The following PIK3C2A variants were observed in gnomAD, a reference collection of about 807,000 sequenced individuals.
The protein encoded by PIK3C2A is phosphatidylinositol-4-phosphate 3-kinase catalytic subunit type 2 alpha, also known as phosphatidylinositol 4-phosphate 3-kinase C2 domain-containing subunit alpha.
Under a neutral mutation model 204.5 loss-of-function variants are expected in PIK3C2A, and 97 were observed. That is an observed-to-expected ratio of 0.47 (90% confidence interval 0.40 to 0.56). The LOEUF (loss-of-function observed/expected upper bound fraction) is 0.56. PIK3C2A is among the 20% of genes least tolerant of loss of function. PIK3C2A has a pLI of 0.00. For missense variants in PIK3C2A, 1,735 were observed against 1,969.2 expected (o/e 0.88, Z 2.25); for synonymous variants, 653 against 664.4 (o/e 0.98, Z 0.26).
intron 1 of PIK3C2A, among the ~76,000 whole-genome samples, chr11:17,180,366 T>C (rs953899327): frequency 4.6e-5 from 7 of 151,764 alleles, no homozygotes; most frequent in African/African-American, 1.7e-4. Flanking sequence ...AGACTCTCTG[T>C]CAAAAATAAA....
chr11:17,097,586 A>G (rs973585434), intron 26 of PIK3C2A, among the ~76,000 whole-genome samples: 7 of 152,212 alleles, frequency 4.6e-5, no homozygotes, highest in African/African-American at 1.7e-4. Context: ...TTTCCTTTTA[A>G]TAAAGGAGAA....
At position 17,105,258 on chromosome 11, in the gene PIK3C2A, C is replaced by A. The variant is rs772124449; in HGVS notation, c.3592G>T (p.Val1198Leu). ...AAGGATCCTGTCACACCATATTCCA[C>A]TTGGATTTTCCTGAGGGTATCGGAA... The part of the protein sequence containing the change: ...PASDTLRKIQ[V>L]EYGVTGSFKD... The change falls in exon 23 of 33, where the codon GTG becomes TTG. Residue 1198 changes from valine to leucine, a missense_variant. Val to Leu is a conservative substitution (Grantham distance 32, BLOSUM62 1). Around this residue, in one of 6 missense-constraint regions of PIK3C2A, gnomAD observed 503 missense variants for 669.0 expected, o/e 0.75. Transcript: ENST00000691414. The A allele has an allele frequency of 4.9e-5, 79 of 1,610,858 alleles. No individual in the cohort carries two copies. The highest frequency in any genetic ancestry group is 6.5e-5 in the Non-Finnish European group (76 of 1,178,248).
At chr11:17,175,194 T>C (rs922638941) in intron 1 of PIK3C2A, among the ~76,000 whole-genome samples, 9 of 152,196 alleles carry the variant, frequency 5.9e-5, no homozygotes, top group Admixed American at 3.9e-4. Context: ...TGAAATATAT[T>C]TTAATAGTGA....
At chr11:17,113,686 G>A (rs1367704485) in intron 20 of PIK3C2A, among the ~76,000 whole-genome samples, 1 of 150,712 alleles carries the variant, frequency 6.6e-6, no homozygotes, top group Non-Finnish European at 1.5e-5. Flanking sequence ...GGAGGCTGAG[G>A]CAGGAGAATC....
intron 22 of PIK3C2A, among the ~76,000 whole-genome samples, chr11:17,110,008 A>G (rs1590916617): frequency 6.6e-6 from 1 of 152,120 alleles, no homozygotes; most frequent in African/African-American, 2.4e-5. Flanking sequence ...CCTAGAATAC[A>G]GTGATGCAAT....
intron 1 of PIK3C2A, among the ~76,000 whole-genome samples, chr11:17,199,458 T>A (rs1852285797): frequency 6.6e-6 from 1 of 152,206 alleles, no homozygotes; most frequent in Non-Finnish European, 1.5e-5. Context: ...TGAAAACAAA[T>A]GCAGTATCCA....
intron 8 of PIK3C2A, among the ~76,000 whole-genome samples, chr11:17,142,105 G>C (rs1046217309): frequency 6.6e-6 from 1 of 152,144 alleles, no homozygotes; most frequent in Non-Finnish European, 1.5e-5. Flanking sequence ...AAAAGAGAAA[G>C]GAAAGGTCGA....
chr11:17,199,399 T>C (rs1266736874), intron 1 of PIK3C2A, among the ~76,000 whole-genome samples: 2 of 152,044 alleles, frequency 1.3e-5, no homozygotes, highest in Admixed American at 6.6e-5. Flanking sequence ...GAACTGAAAA[T>C]AGGAGTACAC....
At chr11:17,193,233 T>C (rs977594091) in intron 1 of PIK3C2A, among the ~76,000 whole-genome samples, 2 of 152,228 alleles carry the variant, frequency 1.3e-5, no homozygotes, top group Admixed American at 1.3e-4. Flanking sequence ...ATCTGTGGTA[T>C]TGTTACAGCA....
In PIK3C2A at chr11:17,178,793, A is replaced by C. The variant is rs1851430875; in HGVS notation, c.-65-8987T>G. Among the ~76,000 whole-genome samples, 3 of 141,600 alleles carry C rather than the reference A, an allele frequency of 2.1e-5. No individual in the cohort carries two copies. In the South Asian group the frequency reaches 6.7e-4, roughly 32 times the overall value. 92.9% of individuals were successfully genotyped at this position (141,600 alleles called of 152,430 possible). On this transcript the variant is annotated intron_variant, in intron 1 of 32. Transcript: ENST00000691414. ...GCCGGACTGCGGACTGCAGTGGCGCAATCTCAGCTCACTGCAAGCTCCGCT... is the reference window on the plus strand; with the variant it reads ...GCCGGACTGCGGACTGCAGTGGCGCCATCTCAGCTCACTGCAAGCTCCGCT...
rs1270189992 is a variant in PIK3C2A at position 17,088,050 on chromosome 11, T to C, written c.*1688A>G. ...CTGTTCTGGGAAACTGAATTGGCGA[T>C]TGTCCTTTCTCTCTTGGTATTCTTT... On this transcript the variant is annotated 3_prime_UTR_variant, in exon 33 of 33. Coordinates refer to ENST00000691414, the MANE Select transcript of PIK3C2A (RefSeq NM_002645.4). The C allele has an allele frequency of 6.6e-6, 1 of 152,176 alleles. No individual in the cohort carries two copies. Among genetic ancestry groups the C allele is most frequent in the African/African-American group, 2.4e-5 (1 of 41,442 alleles). The allele number at this position is 152,176 out of a possible 1,614,324, so 9.4% of individuals were successfully genotyped here. A position where few individuals can be genotyped will look rare whatever the true frequency, so the allele number is the denominator to read the frequency against.
intron 19 of PIK3C2A, 66 bp downstream of exon 19, chr11:17,117,425 A>C (rs1479011428): frequency 9.3e-7 from 1 of 1,072,420 alleles, no homozygotes; most frequent in East Asian, 2.4e-5. Context: ...CAACTTAATT[A>C]GTCAGCACCA....
chr11:17,127,581 T>C (rs188555160), intron 13 of PIK3C2A, among the ~76,000 whole-genome samples: 1 of 152,282 alleles, frequency 6.6e-6, no homozygotes, highest in Non-Finnish European at 1.5e-5. Flanking sequence ...AATGATGGGA[T>C]TACAGGTGTG....
chr11:17,165,662 C>A (rs1850918638), intron 2 of PIK3C2A, among the ~76,000 whole-genome samples: 1 of 151,738 alleles, frequency 6.6e-6, no homozygotes, highest in Admixed American at 6.6e-5. Flanking sequence ...GTAATCCCAG[C>A]TACTCGGGAG....
At chr11:17,163,730 T>C (rs981579141) in intron 2 of PIK3C2A, among the ~76,000 whole-genome samples, 7 of 152,244 alleles carry the variant, frequency 4.6e-5, no homozygotes, top group Non-Finnish European at 8.8e-5. Flanking sequence ...CAGTTGTTTC[T>C]ATTATAATCT....
chr11:17,131,606 A>G (rs1849696978), intron 12 of PIK3C2A, among the ~76,000 whole-genome samples: 1 of 152,030 alleles, frequency 6.6e-6, no homozygotes, highest in South Asian at 2.1e-4. Flanking sequence ...TATTTTTAGT[A>G]GAGACGGGGT....
At chr11:17,135,072 C>G in intron 10 of PIK3C2A, 39 bp downstream of exon 10, 1 of 1,611,758 alleles carries the variant, frequency 6.2e-7, no homozygotes, top group Non-Finnish European at 8.5e-7. Flanking sequence ...TCTGAAAAGG[C>G]GATGATTATT....
At chr11:17,092,961 A>T (rs191218454) in intron 28 of PIK3C2A, among the ~76,000 whole-genome samples, 104 of 152,344 alleles carry the variant, frequency 6.8e-4, no homozygotes, top group African/African-American at 2.3e-3. Flanking sequence ...ATCACTACTC[A>T]ATCAGCCATA....
chr11:17,198,258 C>T (rs562531869), intron 1 of PIK3C2A, among the ~76,000 whole-genome samples: 195 of 151,964 alleles, frequency 1.3e-3, no homozygotes, highest in African/African-American at 3.7e-3. Flanking sequence ...TACAGGTGCC[C>T]GCCACCACAC....
Sources: allele counts gnomAD v4.1 joint callset (sites outside exome capture counted in the v4.1 genomes callset), GRCh38; gene constraint gnomAD v4.1.1; regional missense constraint gnomAD v4.1.1; transcripts MANE v1.5; gene names NCBI Gene and HGNC (gene_info 2026-07-23, HGNC 2026-07-21).